STK3: variants seen among roughly 807,000 people sequenced by gnomAD.
STK3 encodes the protein serine/threonine kinase 3.
Under a neutral mutation model 58.0 loss-of-function variants are expected in STK3, and 41 were observed. That is an observed-to-expected ratio of 0.71 (90% CI 0.55 to 0.92). The LOEUF (loss-of-function observed/expected upper bound fraction) is 0.92, where lower values mean the gene tolerates loss of function less well. STK3 is among the 40% of genes least tolerant of loss of function. The pLI is 0.00. For missense variants in STK3, 479 were observed against 602.7 expected (o/e 0.79, Z 2.15); for synonymous variants, 170 against 191.0 (o/e 0.89, Z 0.91).
At chr8:98,773,898 G>A (rs1002965497) in intron 2 of STK3, among the ~76,000 whole-genome samples, 16 of 151,986 alleles carry the variant, frequency 1.1e-4, no homozygotes, top group Non-Finnish European at 1.8e-4. Context: ...CCGGGTTCAA[G>A]CGATTCTCCT....
intron 3 of STK3, among the ~76,000 whole-genome samples, chr8:98,410,219 C>A (rs1415462135): frequency 1.3e-5 from 2 of 152,044 alleles, no homozygotes; most frequent in Non-Finnish European, 2.9e-5. Flanking sequence ...AGTCCACAGG[C>A]CAAGGAGCAG....
chr8:98,417,097 AGAGCT>A (rs1182114603), intron 3 of STK3, among the ~76,000 whole-genome samples: 1 of 152,248 alleles, frequency 6.6e-6, no homozygotes, highest in Non-Finnish European at 1.5e-5. Context: ...GGCTCAGAGC[AGAGCT>A]GAGTGCTGGG....
chr8:98,905,410 TG>T, intron 1 of STK3: 2 of 1,285,394 alleles, frequency 1.6e-6, no homozygotes, highest in Non-Finnish European at 2.3e-6. Context: ...TTGGTACAAG[TG>T]GGACTGATGT....
intron 4 of STK3, among the ~76,000 whole-genome samples, chr8:98,728,837 TAAC>T (rs1344619087): frequency 6.6e-6 from 1 of 152,166 alleles, no homozygotes; most frequent in African/African-American, 2.4e-5. Context: ...TGTCTACTAT[TAAC>T]AATGACATAT....
intron 3 of STK3, among the ~76,000 whole-genome samples, chr8:98,835,790 T>TG (rs1363399013): frequency 1.3e-5 from 2 of 152,188 alleles, no homozygotes; most frequent in Non-Finnish European, 2.9e-5. Context: ...ATCTCAATCC[T>TG]GGGGGGCCTC....
At chr8:98,449,292 T>C (rs958163385) in intron 1 of STK3, among the ~76,000 whole-genome samples, 1 of 152,166 alleles carries the variant, frequency 6.6e-6, no homozygotes, top group African/African-American at 2.4e-5. Flanking sequence ...ATACACAGAT[T>C]ACACATGGTT....
intron 6 of STK3, among the ~76,000 whole-genome samples, chr8:98,613,485 A>G (rs1817360901): frequency 6.6e-6 from 1 of 152,198 alleles, no homozygotes. Context: ...CAATGTAAAA[A>G]TAGAAAGCCT....
chr8:98,852,066 A>G (rs372593340), intron 3 of STK3, among the ~76,000 whole-genome samples: 3 of 152,338 alleles, frequency 2.0e-5, no homozygotes, highest in Non-Finnish European at 1.5e-5. Context: ...AGAATGATGT[A>G]TAGCATTCAG....
intron 7 of STK3, among the ~76,000 whole-genome samples, chr8:98,586,611 T>G (rs1359257769): frequency 1.3e-5 from 2 of 150,872 alleles, no homozygotes; most frequent in Non-Finnish European, 3.0e-5. Flanking sequence ...GCTGGCCTCA[T>G]AAAATGAGTT....
intron 1 of STK3, among the ~76,000 whole-genome samples, chr8:98,895,242 C>T (rs1838402486): frequency 6.6e-6 from 1 of 152,182 alleles, no homozygotes; most frequent in African/African-American, 2.4e-5. Flanking sequence ...CTTGTTAAAA[C>T]AGACTCTGGT....
intron 5 of STK3, 150 bp downstream of exon 5, chr8:98,706,997 C>G (rs1826015148): frequency 1.4e-6 from 1 of 724,678 alleles, no homozygotes; most frequent in Admixed American, 3.6e-5. Context: ...AAATAATACT[C>G]AAATTTGGCT....
chr8:98,905,323 G>A, intron 1 of STK3: 1 of 886,740 alleles, frequency 1.1e-6, no homozygotes, highest in Non-Finnish European at 1.9e-6. Flanking sequence ...TGTATGAAGT[G>A]TATGAGGACA....
intron 6 of STK3, among the ~76,000 whole-genome samples, chr8:98,676,235 C>A (rs1316575378): frequency 1.1e-4 from 16 of 152,200 alleles, no homozygotes. Flanking sequence ...ACTGTTTTAA[C>A]AGGCATGGAG....
At position 98,858,976 on chromosome 8, in the gene STK3, T is replaced by G. The variant is rs542622313; in HGVS notation, c.110+24671A>C. Among the ~76,000 whole-genome samples, 11 of 151,852 alleles carry G rather than the reference T, an allele frequency of 7.2e-5. No homozygotes were observed. In the South Asian group the frequency reaches 2.3e-3, roughly 32 times the overall value. On this transcript the variant is annotated intron_variant, in intron 3 of 12. Transcript: ENST00000523601. The stretch of plus-strand genomic sequence containing the variant: ...TAAAAGGACTAAGGATTACTGAATA[T>G]TTGTCAGTTAAAGAAAAGCCAACTC...
At chr8:98,897,611 AC>A (rs1425327503) in intron 1 of STK3, among the ~76,000 whole-genome samples, 10 of 151,996 alleles carry the variant, frequency 6.6e-5, no homozygotes, top group African/African-American at 2.4e-4. Flanking sequence ...AAACAAACAA[AC>A]AAAAAAAAAG....
intron 1 of STK3, among the ~76,000 whole-genome samples, chr8:98,941,836 T>C (rs1308479996): frequency 1.3e-5 from 2 of 152,232 alleles, no homozygotes; most frequent in Non-Finnish European, 2.9e-5. Flanking sequence ...CCTGAGAGCG[T>C]CCTTGGTGTC....
chr8:98,544,319 A>C (rs1049337183), intron 9 of STK3, among the ~76,000 whole-genome samples: 1 of 152,168 alleles, frequency 6.6e-6, no homozygotes, highest in Non-Finnish European at 1.5e-5. Flanking sequence ...TAAGTGAAGG[A>C]AAGTTTGGGT....
At chr8:98,753,799 G>C (rs1830126714) in intron 3 of STK3, among the ~76,000 whole-genome samples, 1 of 152,058 alleles carries the variant, frequency 6.6e-6, no homozygotes, top group South Asian at 2.1e-4. Flanking sequence ...GAGCTGAAGG[G>C]CCTGAATTCA....
chr8:98,897,611 A>C (rs1838505368), intron 1 of STK3, among the ~76,000 whole-genome samples: 2 of 152,112 alleles, frequency 1.3e-5, no homozygotes, highest in East Asian at 1.9e-4. Flanking sequence ...AAACAAACAA[A>C]CAAAAAAAAA....
Sources: allele counts gnomAD v4.1 joint callset (sites outside exome capture counted in the v4.1 genomes callset), GRCh38; gene constraint gnomAD v4.1.1; transcripts MANE v1.5; gene names NCBI Gene and HGNC (gene_info 2026-07-23, HGNC 2026-07-21).